RAPGEF2: variants seen among roughly 807,000 people sequenced by gnomAD.
RAPGEF2 encodes PDZ domain containing guanine nucleotide exchange factor (GEF) 1.
Under a neutral mutation model 186.7 loss-of-function variants are expected in RAPGEF2, and 54 were observed. That is an observed-to-expected ratio of 0.29 (90% CI 0.23 to 0.36). The LOEUF (loss-of-function observed/expected upper bound fraction) is 0.36. Ranked by LOEUF, RAPGEF2 falls within the 10% of genes least tolerant of loss-of-function variation. RAPGEF2 has a pLI of 1.00. For synonymous variants in RAPGEF2, 712 were observed against 705.9 expected, an observed-to-expected ratio of 1.01 and a Z score of -0.14; for missense variants, 1,532 against 2,045.0, an observed-to-expected ratio of 0.75 and a Z score of 4.84.
intron 1 of RAPGEF2, among the ~76,000 whole-genome samples, chr4:159,138,849 G>A (rs990090048): frequency 4.6e-5 from 7 of 152,124 alleles, no homozygotes; most frequent in African/African-American, 1.7e-4. Context: ...TACCAATCAT[G>A]TACTCCTAAA....
intron 4 of RAPGEF2, among the ~76,000 whole-genome samples, chr4:159,235,873 C>G (rs1447792392): frequency 6.6e-6 from 1 of 152,016 alleles, no homozygotes. Context: ...ATTGCTTTGT[C>G]TGTTTCTTCC....
intron 4 of RAPGEF2, among the ~76,000 whole-genome samples, chr4:159,222,668 T>A (rs1253139465): frequency 6.6e-6 from 1 of 152,164 alleles, no homozygotes; most frequent in East Asian, 1.9e-4. Flanking sequence ...GAGGGATGTG[T>A]GAGTTACTGT....
chr4:159,226,513 T>C (rs143832923), intron 4 of RAPGEF2, among the ~76,000 whole-genome samples: 103 of 152,242 alleles, frequency 6.8e-4, no homozygotes, highest in Admixed American at 3.6e-3. Flanking sequence ...GCCAAAAAAA[T>C]GTTTGTTAGG....
rs760884100 is a variant in RAPGEF2 at position 159,331,935 on chromosome 4, G to A, written c.1789G>A (p.Val597Ile). The stretch of plus-strand genomic sequence containing the variant: ...ATAATTTCATTTTTAGATATTAGAA[G>A]TAAATGGCCAAAACTTTGAAAACAT... Reference protein sequence around the residue: ...GLKRGDQILEVNGQNFENIQL... With the variant: ...GLKRGDQILEINGQNFENIQL... Residue 597 changes from valine (V) to isoleucine (I), a missense_variant, in exon 16 of 30, where the codon GTA becomes ATA. By Grantham distance (29) the Val-to-Ile change is conservative. Coordinates refer to ENST00000691494, the MANE Select transcript of RAPGEF2 (RefSeq NM_001394067.2). 5 of 1,601,018 alleles carry A rather than the reference G, an allele frequency of 3.1e-6. No homozygotes were observed. In the Admixed American group the frequency reaches 5.2e-5, roughly 17 times the overall value.
chr4:159,154,478 G>A (rs1414083603), intron 1 of RAPGEF2, among the ~76,000 whole-genome samples: 2 of 147,796 alleles, frequency 1.4e-5, no homozygotes, highest in Non-Finnish European at 3.0e-5. Flanking sequence ...ACATTCTTAT[G>A]TTTTTCTCTC....
intron 4 of RAPGEF2, among the ~76,000 whole-genome samples, chr4:159,229,805 T>C (rs1752429712): frequency 6.6e-6 from 1 of 152,240 alleles, no homozygotes; most frequent in Non-Finnish European, 1.5e-5. Context: ...TTTAGAGCAG[T>C]TGTTCCTTAG....
intron 19 of RAPGEF2, among the ~76,000 whole-genome samples, chr4:159,340,535 TTGG>T (rs1235343206): frequency 2.0e-5 from 3 of 152,160 alleles, no homozygotes; most frequent in African/African-American, 7.2e-5. Flanking sequence ...TGTGTTTGCC[TTGG>T]TGAAATACAC....
intron 1 of RAPGEF2, among the ~76,000 whole-genome samples, chr4:159,174,923 A>ATTTTGTTTTCT (rs1284672842): frequency 1.3e-5 from 2 of 151,836 alleles, no homozygotes; most frequent in East Asian, 3.9e-4. Flanking sequence ...CACCTGGCTA[A>ATTTTGTTTTCT]TTTTGTTTTC....
intron 4 of RAPGEF2, among the ~76,000 whole-genome samples, chr4:159,237,018 T>A (rs916310944): frequency 8.5e-5 from 13 of 152,214 alleles, no homozygotes; most frequent in Admixed American, 4.6e-4. Flanking sequence ...TTGATTTTCA[T>A]GGAAACTTTT....
chr4:159,178,921 C>T lies in RAPGEF2; in HGVS notation c.70-7721C>T, dbSNP rs1423286958. Among the ~76,000 whole-genome samples, 3 of 152,102 alleles carry T rather than the reference C, an allele frequency of 2.0e-5. No individual in the cohort carries two copies. The South Asian group carries it at 6.2e-4, about 32-fold the overall frequency. On this transcript the variant is annotated intron_variant, in intron 1 of 29. Coordinates refer to ENST00000691494, the MANE Select transcript of RAPGEF2 (RefSeq NM_001394067.2). ...TTGACTTGGATAGGTTGTGAACAAT[C>T]ACCCCCCTAAAGTACTTAAAGGATG...
chr4:159,198,521 C>CT (rs2111334984), intron 3 of RAPGEF2, among the ~76,000 whole-genome samples: 1 of 151,972 alleles, frequency 6.6e-6, no homozygotes, highest in South Asian at 2.1e-4. Flanking sequence ...TCTGAGCTCA[C>CT]TGCAACCTCC....
intron 7 of RAPGEF2, among the ~76,000 whole-genome samples, chr4:159,281,297 A>G (rs1759672257): frequency 6.6e-6 from 1 of 152,052 alleles, no homozygotes; most frequent in Non-Finnish European, 1.5e-5. Flanking sequence ...GCCATCATTT[A>G]ACTTCTTAAA....
Position 159,174,549 on chromosome 4 carries a change from T to C in RAPGEF2, c.70-12093T>C, listed in dbSNP as rs1045212468. On this transcript the variant is annotated intron_variant, in intron 1 of 29. Coordinates refer to ENST00000691494, the MANE Select transcript of RAPGEF2 (RefSeq NM_001394067.2). ...GGCTAATTAATGAGGTAATTACTAA[T>C]CACCTTTGTCTCAAGTTTAGGAATT... 3.9e-4 allele frequency among the ~76,000 whole-genome samples: 60 copies of C among 152,196 alleles called. 1 individual carries two copies. The highest frequency in any genetic ancestry group is 1.3e-3 in the African/African-American group (55 of 41,442).
chr4:159,321,463 C>T (rs1433956114), intron 9 of RAPGEF2, among the ~76,000 whole-genome samples: 2 of 152,114 alleles, frequency 1.3e-5, no homozygotes, highest in African/African-American at 4.8e-5. Flanking sequence ...CTGCCTCAGC[C>T]TTCCAAAATG....
At chr4:159,246,821 A>G (rs539224193) in intron 7 of RAPGEF2, among the ~76,000 whole-genome samples, 2 of 152,266 alleles carry the variant, frequency 1.3e-5, no homozygotes, top group East Asian at 1.9e-4. Context: ...AGTATTTGCT[A>G]CTTAAGAGGG....
intron 11 of RAPGEF2, chr4:159,327,214 A>G (rs1766043006): frequency 6.6e-6 from 1 of 152,248 alleles, no homozygotes; most frequent in Non-Finnish European, 1.5e-5. Context: ...AAGGAAAATA[A>G]TCCTATGATA....
At chr4:159,227,807 C>G (rs1171943623) in intron 4 of RAPGEF2, among the ~76,000 whole-genome samples, 1 of 152,144 alleles carries the variant, frequency 6.6e-6, no homozygotes, top group Non-Finnish European at 1.5e-5. Context: ...GCCTCTTTTA[C>G]CTTTTCCCAT....
intron 7 of RAPGEF2, among the ~76,000 whole-genome samples, chr4:159,253,282 C>G (rs1254659673): frequency 6.6e-6 from 1 of 152,202 alleles, no homozygotes; most frequent in Admixed American, 6.5e-5. Flanking sequence ...GCCTTACTCT[C>G]TTTTATTAAA....
At chr4:159,259,551 A>G (rs1027154100) in intron 7 of RAPGEF2, among the ~76,000 whole-genome samples, 1 of 152,228 alleles carries the variant, frequency 6.6e-6, no homozygotes, top group Non-Finnish European at 1.5e-5. Context: ...GCACCATTTC[A>G]TAACAAAGGG....
Sources: gnomAD v4.1 joint callset for allele counts (sites outside exome capture counted in the v4.1 genomes callset) on GRCh38, gnomAD v4.1.1 for gene constraint, MANE v1.5 for transcripts, NCBI Gene and HGNC (gene_info 2026-07-23, HGNC 2026-07-21) for gene names.